The following PEMT variants were observed in gnomAD, a reference collection of about 807,000 sequenced individuals.
PEMT encodes the protein phosphatidylethanolamine N-methyltransferase.
A neutral mutation model predicts 27.4 loss-of-function variants in PEMT; 23 were observed. The ratio of observed to expected loss-of-function variants is 0.84; its 90% CI spans 0.60 to 1.19. The LOEUF is 1.19. Among genes scored for constraint, PEMT ranks in the 50% most tolerant of loss-of-function variants. The probability of loss-of-function intolerance (pLI) is 0.00; values close to 1 mark genes in which losing one functional copy is unlikely to be tolerated. For synonymous variants in PEMT, 137 were observed against 139.1 expected, an observed-to-expected ratio of 0.98 and a Z score of 0.11; for missense variants, 307 against 310.1, an observed-to-expected ratio of 0.99 and a Z score of 0.07.
At position 17,582,530 on chromosome 17, in the gene PEMT, A is replaced by G; in HGVS notation, c.97-5503T>C. 1.9e-6 allele frequency: 1 copy of G among 534,644 alleles called. No individual in the cohort carries two copies. The highest frequency in any genetic ancestry group is 2.4e-6 in the Non-Finnish European group (1 of 418,232). 33.1% of individuals were successfully genotyped at this position (534,644 alleles called of 1,614,324 possible). A position where few individuals can be genotyped will look rare whatever the true frequency, so the allele number is the denominator to read the frequency against. On this transcript the variant is annotated intron_variant, in intron 1 of 6. Transcript: ENST00000255389. This position sits in a 1 kb window ranked among gnomAD's most constrained non-coding sequence, Gnocchi z 4.9. ...ACATCGATTCCAGGCCACACACCAC[A>G]CACAACAAAGGGCAGGGGAATGGGT...
intron 1 of PEMT, chr17:17,578,686 A>G (rs558792691): frequency 6.6e-6 from 1 of 152,282 alleles, no homozygotes; most frequent in Non-Finnish European, 1.5e-5. Flanking sequence ...GAAGATTAGT[A>G]TGGCCCCTGC....
At chr17:17,531,109 A>G (rs2142566095) in intron 2 of PEMT, among the ~76,000 whole-genome samples, 1 of 152,226 alleles carries the variant, frequency 6.6e-6, no homozygotes, top group Non-Finnish European at 1.5e-5. Flanking sequence ...TAGCATTCAA[A>G]CTGTGGTCTC....
chr17:17,567,760 AG>A (rs1306145155), intron 2 of PEMT, among the ~76,000 whole-genome samples: 28 of 152,358 alleles, frequency 1.8e-4, no homozygotes, highest in African/African-American at 6.7e-4. Flanking sequence ...CCTAGAGCCA[AG>A]GTCTCAGTCA....
chr17:17,576,047 C>T (rs1206673852), intron 2 of PEMT, among the ~76,000 whole-genome samples: 1 of 152,286 alleles, frequency 6.6e-6, no homozygotes, highest in Admixed American at 6.5e-5. Context: ...TCACAGGACG[C>T]TCAGGGCTCT....
chr17:17,543,851 C>T (rs946370164), intron 2 of PEMT, among the ~76,000 whole-genome samples: 38 of 152,360 alleles, frequency 2.5e-4, no homozygotes, highest in Admixed American at 4.6e-4. Flanking sequence ...GCGTGAGCCA[C>T]GGCGCCCAGC....
intron 2 of PEMT, chr17:17,570,438 C>T (rs1911113275): frequency 1.2e-6 from 1 of 852,812 alleles, no homozygotes; most frequent in Non-Finnish European, 1.4e-6. Flanking sequence ...GTACTACTGA[C>T]ATCTAGTGGG....
intron 2 of PEMT, among the ~76,000 whole-genome samples, chr17:17,552,607 C>A (rs1043102247): frequency 1.3e-5 from 2 of 152,234 alleles, no homozygotes; most frequent in African/African-American, 4.8e-5. Context: ...CCACGGAGAC[C>A]TGCAGGCTGC....
At chr17:17,514,377 C>T (rs1002084789) in intron 3 of PEMT, among the ~76,000 whole-genome samples, 2 of 152,246 alleles carry the variant, frequency 1.3e-5, no homozygotes, top group Admixed American at 6.5e-5. Context: ...TATTCATCGA[C>T]TGGAGAGAAG....
chr17:17,591,455 C>G, intron 1 of PEMT, 76 bp downstream of exon 1: 1 of 1,227,254 alleles, frequency 8.1e-7, no homozygotes, highest in Non-Finnish European at 1.1e-6. Context: ...GCGTTTGAGG[C>G]GCCGCAAGCC....
chr17:17,592,075 G>A (rs1597976291), upstream of PEMT: 1 of 985,400 alleles, frequency 1.0e-6, no homozygotes. Context: ...GACTTGGCCC[G>A]GGTCACACAC....
chr17:17,515,279 C>A (rs1388748243), intron 3 of PEMT, among the ~76,000 whole-genome samples: 1 of 152,190 alleles, frequency 6.6e-6, no homozygotes, highest in Non-Finnish European at 1.5e-5. Flanking sequence ...AAGCCCAGCT[C>A]ATTCAGGGCC....
intron 1 of PEMT, among the ~76,000 whole-genome samples, chr17:17,586,721 G>C (rs1254833317): frequency 6.6e-6 from 1 of 152,168 alleles, no homozygotes; most frequent in Non-Finnish European, 1.5e-5. Flanking sequence ...CAGAAAGAGT[G>C]GCTGGGCGCA....
intron 1 of PEMT, among the ~76,000 whole-genome samples, chr17:17,587,355 C>A (rs1567760709): frequency 6.6e-6 from 1 of 152,058 alleles, no homozygotes; most frequent in Non-Finnish European, 1.5e-5. Context: ...TTGCAAGACA[C>A]AACTGTCAAA....
intron 1 of PEMT, among the ~76,000 whole-genome samples, chr17:17,586,508 G>A (rs764318700): frequency 3.9e-4 from 60 of 152,172 alleles, no homozygotes; most frequent in African/African-American, 1.3e-3. Flanking sequence ...AATTAAACTC[G>A]AAATCAGTCA....
intron 3 of PEMT, among the ~76,000 whole-genome samples, chr17:17,514,119 CTT>C (rs1208853215): frequency 6.6e-6 from 1 of 152,228 alleles, no homozygotes; most frequent in Non-Finnish European, 1.5e-5. Flanking sequence ...CATGAAGTAT[CTT>C]TGTTTGCTAG....
At chr17:17,552,225 T>C (rs1021843772) in intron 2 of PEMT, among the ~76,000 whole-genome samples, 2 of 151,832 alleles carry the variant, frequency 1.3e-5, no homozygotes, top group African/African-American at 2.4e-5. Context: ...GGCAGGAGAA[T>C]TGCTTGAACC....
At chr17:17,562,342 TTGA>T (rs1202870038) in intron 2 of PEMT, among the ~76,000 whole-genome samples, 5 of 151,964 alleles carry the variant, frequency 3.3e-5, no homozygotes, top group Admixed American at 2.6e-4. Context: ...GGCAGGAGTG[TTGA>T]TGATGACTAT....
At chr17:17,532,707 A>C (rs770899184) in intron 2 of PEMT, among the ~76,000 whole-genome samples, 3 of 152,214 alleles carry the variant, frequency 2.0e-5, no homozygotes, top group Non-Finnish European at 4.4e-5. Context: ...ATCCAAAACA[A>C]TCTTTTTTTA....
At chr17:17,527,591 C>A (rs756400737) in intron 2 of PEMT, among the ~76,000 whole-genome samples, 5 of 152,212 alleles carry the variant, frequency 3.3e-5, no homozygotes, top group Admixed American at 6.5e-5. Context: ...AGCTGCTGTG[C>A]GGATTAAGCG....
Sources: gnomAD v4.1 joint callset for allele counts (sites outside exome capture counted in the v4.1 genomes callset) on GRCh38, gnomAD v4.1.1 for gene constraint, Gnocchi (gnomAD v3.1) non-coding constraint, MANE v1.5 for transcripts, NCBI Gene and HGNC (gene_info 2026-07-23, HGNC 2026-07-21) for gene names.